NEGR1: variants seen among roughly 807,000 people sequenced by gnomAD.
NEGR1 encodes the protein IgLON family member 4.
Under a neutral mutation model 40.9 loss-of-function variants are expected in NEGR1, and 10 were observed. The ratio of observed to expected loss-of-function variants is 0.24; its 90% confidence interval spans 0.15 to 0.42. The LOEUF (loss-of-function observed/expected upper bound fraction) is 0.42. NEGR1 is among the 10% of genes least tolerant of loss of function. The probability of loss-of-function intolerance (pLI) is 1.00; values close to 1 mark genes in which losing one functional copy is unlikely to be tolerated. For missense variants in NEGR1, 352 were observed against 438.9 expected (o/e 0.80, Z 1.77); for synonymous variants, 185 against 166.8 (o/e 1.11, Z -0.84).
At chr1:71,858,545 A>C (rs1659850894) in intron 2 of NEGR1, among the ~76,000 whole-genome samples, 1 of 152,020 alleles carries the variant, frequency 6.6e-6, no homozygotes. Context: ...AATTGAAGAA[A>C]AGTAAAGAGA....
intron 6 of NEGR1, among the ~76,000 whole-genome samples, chr1:71,458,170 T>C (rs1646688043): frequency 6.6e-6 from 1 of 152,234 alleles, no homozygotes; most frequent in Admixed American, 6.5e-5. Context: ...TCCAAGATAA[T>C]GTGAATCTCT....
chr1:71,497,323 T>G (rs1036688432), intron 6 of NEGR1, among the ~76,000 whole-genome samples: 1 of 152,174 alleles, frequency 6.6e-6, no homozygotes, highest in African/African-American at 2.4e-5. Context: ...CTTCTGAAAT[T>G]ATACCACATA....
chr1:71,935,019 T>A, intron 2 of NEGR1, 60 bp downstream of exon 2: 2 of 974,332 alleles, frequency 2.1e-6, no homozygotes, highest in Non-Finnish European at 3.2e-6. Context: ...TTTTGATACC[T>A]AAATATTAAA....
intron 3 of NEGR1, among the ~76,000 whole-genome samples, chr1:71,751,303 A>G (rs1331433196): frequency 6.6e-6 from 1 of 152,186 alleles, no homozygotes; most frequent in Non-Finnish European, 1.5e-5. Flanking sequence ...TCACCTCTAA[A>G]GCATAGAGAT....
intron 6 of NEGR1, among the ~76,000 whole-genome samples, chr1:71,437,599 A>C (rs1646518169): frequency 6.6e-6 from 1 of 152,214 alleles, no homozygotes. Flanking sequence ...AATATTTACA[A>C]ACATTCTACT....
At chr1:71,894,856 T>C (rs1176183930) in intron 2 of NEGR1, among the ~76,000 whole-genome samples, 1 of 152,096 alleles carries the variant, frequency 6.6e-6, no homozygotes, top group Admixed American at 6.5e-5. Context: ...TATAGTGTGC[T>C]ATAATCATGC....
chr1:71,997,672 A>T (rs972323924), intron 1 of NEGR1, among the ~76,000 whole-genome samples: 7 of 151,964 alleles, frequency 4.6e-5, no homozygotes, highest in Admixed American at 2.0e-4. Context: ...TCCAATAAAT[A>T]TTTATTGGAT....
At chr1:72,043,883 A>G (rs1379618167) in intron 1 of NEGR1, among the ~76,000 whole-genome samples, 1 of 151,892 alleles carries the variant, frequency 6.6e-6, no homozygotes, top group Admixed American at 6.6e-5. Flanking sequence ...GACTTCCAGG[A>G]CTGCTATTTA....
At chr1:72,172,132 G>T (rs1478746982) in intron 1 of NEGR1, among the ~76,000 whole-genome samples, 1 of 152,128 alleles carries the variant, frequency 6.6e-6, no homozygotes, top group Admixed American at 6.5e-5. Context: ...TAAAATTATA[G>T]AATATTAATG....
At chr1:72,104,109 G>A (rs565448220) in intron 1 of NEGR1, among the ~76,000 whole-genome samples, 22 of 152,024 alleles carry the variant, frequency 1.4e-4, no homozygotes, top group Admixed American at 7.2e-4. Context: ...AGAACATAAA[G>A]TTTTGAGTGC....
chr1:71,611,445 C>A (rs1240256302), intron 4 of NEGR1, among the ~76,000 whole-genome samples: 1 of 152,190 alleles, frequency 6.6e-6, no homozygotes, highest in Non-Finnish European at 1.5e-5. Flanking sequence ...CATCTGTACT[C>A]CAGTCCAACT....
At chr1:71,656,659 C>T (rs145543850) in intron 4 of NEGR1, among the ~76,000 whole-genome samples, 4,324 of 152,254 alleles carry the variant, frequency 0.028, 168 homozygotes, top group African/African-American at 0.09. Flanking sequence ...CTCGGCCTCC[C>T]GAAGTGCTGG....
intron 4 of NEGR1, among the ~76,000 whole-genome samples, chr1:71,679,115 T>C (rs2101608082): frequency 6.6e-6 from 1 of 152,252 alleles, no homozygotes; most frequent in African/African-American, 2.4e-5. Flanking sequence ...GTTTCTTGTC[T>C]CTCTATTGCT....
chr1:72,243,517 A>G (rs1191700182), intron 1 of NEGR1, among the ~76,000 whole-genome samples: 1 of 151,854 alleles, frequency 6.6e-6, no homozygotes, highest in Admixed American at 6.6e-5. Flanking sequence ...AGAATGATTT[A>G]TATGTCTGTT....
chr1:71,944,908 A>T (rs967818), intron 1 of NEGR1, among the ~76,000 whole-genome samples: 5,560 of 152,266 alleles, frequency 0.037, 343 homozygotes, highest in African/African-American at 0.13. Flanking sequence ...TCTCGAGAAA[A>T]TGGACTAAAC....
intron 1 of NEGR1, among the ~76,000 whole-genome samples, chr1:72,183,045 G>A (rs1457649445): frequency 6.6e-6 from 1 of 152,026 alleles, no homozygotes; most frequent in South Asian, 2.1e-4. Flanking sequence ...TCCTTATTCA[G>A]TATTACTGGC....
chr1:71,473,442 A>C (rs1457281495), intron 6 of NEGR1, among the ~76,000 whole-genome samples: 1 of 152,072 alleles, frequency 6.6e-6, no homozygotes, highest in African/African-American at 2.4e-5. Context: ...TCAACCCAGA[A>C]TTCTACATAT....
At chr1:71,445,789 T>C (rs765919273) in intron 6 of NEGR1, among the ~76,000 whole-genome samples, 1 of 152,180 alleles carries the variant, frequency 6.6e-6, no homozygotes, top group Non-Finnish European at 1.5e-5. Flanking sequence ...AGCGGTCAAG[T>C]ACAATTCTGC....
At chr1:71,996,609 T>C (rs1291830650) in intron 1 of NEGR1, among the ~76,000 whole-genome samples, 1 of 152,134 alleles carries the variant, frequency 6.6e-6, no homozygotes, top group Non-Finnish European at 1.5e-5. Flanking sequence ...CTCTCTTCGC[T>C]GTCAAGGCTA....
Sources: gnomAD v4.1 joint callset for allele counts (sites outside exome capture counted in the v4.1 genomes callset) on GRCh38, gnomAD v4.1.1 for gene constraint, MANE v1.5 for transcripts, NCBI Gene and HGNC (gene_info 2026-07-23, HGNC 2026-07-21) for gene names.